The following UNC45B variants were observed in gnomAD, a reference collection of about 807,000 sequenced individuals.
UNC45B encodes the protein unc-45 myosin chaperone B, also known as protein unc-45 homolog B.
UNC45B carries 78 observed loss-of-function variants against 98.7 expected under a neutral mutation model. The ratio of observed to expected loss-of-function variants is 0.79; its 90% CI spans 0.66 to 0.95. UNC45B has a LOEUF of 0.95. Among genes scored for constraint, UNC45B ranks in the 40% least tolerant of loss-of-function variants. The pLI is 0.00. For synonymous variants in UNC45B, 462 were observed against 480.4 expected (o/e 0.96, Z 0.50); for missense variants, 1,225 against 1,184.9 (o/e 1.03, Z -0.50).
chr17:35,176,976 G>A (rs1467517293), intron 15 of UNC45B, 41 bp from the exon 16 acceptor site: 1 of 1,533,096 alleles, frequency 6.5e-7, no homozygotes, highest in East Asian at 2.3e-5. Flanking sequence ...AGAAGCCTCT[G>A]GATGTCTGTG....
intron 4 of UNC45B, among the ~76,000 whole-genome samples, chr17:35,152,181 G>T (rs2092024219): frequency 6.6e-6 from 1 of 152,202 alleles, no homozygotes; most frequent in Admixed American, 6.5e-5. Context: ...GGGAGGCAGA[G>T]GTTACAGTGA....
chr17:35,177,196 C>T, intron 16 of UNC45B, 66 bp downstream of exon 16: 1 of 1,420,076 alleles, frequency 7.0e-7, no homozygotes, highest in Admixed American at 1.8e-5. Context: ...AGGCCTTTCC[C>T]CTTGTCATTC....
intron 8 of UNC45B, among the ~76,000 whole-genome samples, chr17:35,161,606 C>G (rs16970666): frequency 0.017 from 2,559 of 152,268 alleles, 79 homozygotes; most frequent in African/African-American, 0.059. Flanking sequence ...TAAATGCATG[C>G]TTGTTGCATA....
At chr17:35,172,995 C>G (rs1050466928) in intron 13 of UNC45B, among the ~76,000 whole-genome samples, 1 of 152,172 alleles carries the variant, frequency 6.6e-6, no homozygotes, top group African/African-American at 2.4e-5. Flanking sequence ...CAATCACACA[C>G]GACAGCAAGG....
intron 13 of UNC45B, among the ~76,000 whole-genome samples, chr17:35,173,503 A>G (rs2092204020): frequency 6.6e-6 from 1 of 152,158 alleles, no homozygotes; most frequent in Non-Finnish European, 1.5e-5. Flanking sequence ...AGGTGTTAGC[A>G]GGGCTGGTTT....
At chr17:35,173,864 G>A (rs895891635) in intron 13 of UNC45B, among the ~76,000 whole-genome samples, 4 of 148,970 alleles carry the variant, frequency 2.7e-5, no homozygotes, top group Non-Finnish European at 5.9e-5. Flanking sequence ...CCAGGCTGGA[G>A]TGCAGTGGTG....
At chr17:35,169,029 T>A (rs368152352) in intron 10 of UNC45B, among the ~76,000 whole-genome samples, 5 of 151,972 alleles carry the variant, frequency 3.3e-5, no homozygotes, top group South Asian at 2.1e-4. Context: ...TATTATTATT[T>A]TTTCAGACAG....
intron 6 of UNC45B, 114 bp downstream of exon 6, chr17:35,154,855 AG>A (rs1483960278): frequency 1.7e-6 from 2 of 1,160,956 alleles, no homozygotes; most frequent in South Asian, 1.9e-5. Flanking sequence ...AAAAAGTCAA[AG>A]GGTGCTCCAG....
chr17:35,174,806 C>A (rs1026705874), intron 14 of UNC45B, among the ~76,000 whole-genome samples: 8 of 148,108 alleles, frequency 5.4e-5, no homozygotes, highest in Non-Finnish European at 8.9e-5. Flanking sequence ...GGTAACAGAG[C>A]AAGATCCTGT....
chr17:35,169,826 C>CTCCTCCT lies in UNC45B; in HGVS notation c.1453-10_1453-4dup. Reference sequence around the variant, plus strand: ...ATCCTGCATGTGTCTGCTGTCTCCTCTCCTCCTCAGGGACTCTGTAAGCTC... The same window carrying CTCCTCCT: ...ATCCTGCATGTGTCTGCTGTCTCCTCTCCTCCTTCCTCCTCAGGGACTCTGTAAGCTC... On this transcript the variant is annotated splice_polypyrimidine_tract_variant and intron_variant, in intron 10 of 19. Coordinates refer to ENST00000394570, the MANE Select transcript of UNC45B (RefSeq NM_001267052.2). 6.2e-7 allele frequency: 1 copy of CTCCTCCT among 1,613,620 alleles called. No individual in the cohort carries two copies. Among genetic ancestry groups the CTCCTCCT allele is most frequent in the Non-Finnish European group, 8.5e-7 (1 of 1,179,580 alleles).
intron 7 of UNC45B, among the ~76,000 whole-genome samples, chr17:35,157,603 C>T (rs1371894752): frequency 1.3e-5 from 2 of 152,184 alleles, no homozygotes; most frequent in African/African-American, 4.8e-5. Flanking sequence ...CTCTCTAATT[C>T]CTTTCTGAGA....
At chr17:35,148,553 GT>G in intron 2 of UNC45B, 122 bp downstream of exon 2, 1 of 1,202,698 alleles carries the variant, frequency 8.3e-7, no homozygotes, top group Non-Finnish European at 1.1e-6. Context: ...GATGCCTGGG[GT>G]TGGAGAAGGG....
chr17:35,169,929 CA>C lies in UNC45B; in HGVS notation c.1547del (p.Lys516SerfsTer8). 1 of 1,614,156 alleles carries C rather than the reference CA, an allele frequency of 6.2e-7. No homozygotes were observed. The highest frequency in any genetic ancestry group is 2.2e-5 in the East Asian group (1 of 44,874). Reference protein sequence around the residue: ...STEKLAKQCRKWLCNMSIDTR... With the variant: ...STEKLAKQCRXWLCNMSIDTR... ...CAGAAAAACTGGCCAAACAGTGTCG[CA>C]AGTAAGGGGGCTGTGTTTCCCAGGC... On this transcript the variant is annotated frameshift_variant and splice_region_variant, in exon 11 of 20. Coordinates refer to ENST00000394570, the MANE Select transcript of UNC45B (RefSeq NM_001267052.2). LOFTEE classifies it high-confidence loss of function.
At position 35,169,945 on chromosome 17, in the gene UNC45B, G is replaced by T; in HGVS notation, c.1547+14G>T. On this transcript the variant is annotated intron_variant, in intron 11 of 19. Transcript: ENST00000394570. The stretch of plus-strand genomic sequence containing the variant: ...ACAGTGTCGCAAGTAAGGGGGCTGT[G>T]TTTCCCAGGCCCTCCATCTCCTCAT... 6.2e-7 allele frequency: 1 copy of T among 1,614,178 alleles called. No individual in the cohort carries two copies.
chr17:35,177,507 G>A lies in UNC45B; in HGVS notation c.2152G>A (p.Val718Met). 1 of 1,561,876 alleles carries A rather than the reference G, an allele frequency of 6.4e-7. No homozygotes were observed. Among genetic ancestry groups the A allele is most frequent in the Non-Finnish European group, 8.7e-7 (1 of 1,152,232 alleles). The change falls in exon 17 of 20, where the codon GTG becomes ATG. Residue 718 changes from valine to methionine, a missense_variant. By Grantham distance (21) the Val-to-Met change is conservative (BLOSUM62 1). Transcript: ENST00000394570. The part of the protein sequence containing the change: ...AFPGERVYEV[V>M]RPLVRLLDTQ... Reference sequence around the variant, plus strand: ...CCCTCCCCAACAGGTGTATGAGGTGGTGCGGCCCCTTGTAAGACTCTTGGA... The same window carrying A: ...CCCTCCCCAACAGGTGTATGAGGTGATGCGGCCCCTTGTAAGACTCTTGGA...
rs1182650349 is a variant in UNC45B, at chr17:35,164,149, C to G, written c.1134C>G (p.Ile378Met). ...CDPERDHFRK[I>M]CEEYITGKFD... is the part of the protein sequence containing the mutation. ...CGGAGCGCGATCACTTCCGCAAGAT[C>G]TGTGAGGAATATATCACGTAAGTTT... The change falls in exon 9 of 20, where the codon ATC becomes ATG. Residue 378 changes from isoleucine to methionine, a missense_variant. Ile to Met is a conservative substitution (Grantham distance 10, BLOSUM62 1). Coordinates refer to ENST00000394570, the MANE Select transcript of UNC45B (RefSeq NM_001267052.2). The G allele has an allele frequency of 6.2e-7, 1 of 1,611,976 alleles. No individual in the cohort carries two copies. The highest frequency in any genetic ancestry group is 8.5e-7 in the Non-Finnish European group (1 of 1,179,050).
intron 16 of UNC45B, 83 bp downstream of exon 16, chr17:35,177,213 G>C (rs907663478): frequency 7.7e-7 from 1 of 1,296,440 alleles, no homozygotes; most frequent in East Asian, 2.4e-5. Flanking sequence ...ATTCTACCTC[G>C]AGCCTGGGAC....
chr17:35,175,851 A>G (rs2092228917), intron 14 of UNC45B, 117 bp from the exon 15 acceptor site: 5 of 916,412 alleles, frequency 5.5e-6, no homozygotes, highest in South Asian at 4.6e-5. Context: ...GGCACTTTCC[A>G]TAGTCTCCCT....
At chr17:35,156,667 C>G (rs1597909514) in intron 7 of UNC45B, among the ~76,000 whole-genome samples, 2 of 151,876 alleles carry the variant, frequency 1.3e-5, no homozygotes, top group South Asian at 4.1e-4. Context: ...GTAAATTTTA[C>G]CACAGCTTAA....
Sources: gnomAD v4.1 joint callset for allele counts (sites outside exome capture counted in the v4.1 genomes callset) on GRCh38, gnomAD v4.1.1 for gene constraint, MANE v1.5 for transcripts, NCBI Gene and HGNC (gene_info 2026-07-23, HGNC 2026-07-21) for gene names.